The following KLHL1 variants were observed in gnomAD, a reference collection of about 807,000 sequenced individuals.
KLHL1 encodes kelch-like protein 1.
A neutral mutation model predicts 77.7 loss-of-function variants in KLHL1; 47 were observed. The observed-to-expected ratio is 0.60, with a 90% confidence interval of 0.48 to 0.77. KLHL1 has a LOEUF of 0.77. Ranked by LOEUF, KLHL1 falls within the 30% of genes least tolerant of loss-of-function variation. KLHL1 has a pLI of 0.00. For missense variants in KLHL1, 925 were observed against 910.8 expected (o/e 1.02, Z -0.20); for synonymous variants, 360 against 325.2 (o/e 1.11, Z -1.15).
chr13:70,004,566 GATT>G (rs1885364977), intron 1 of KLHL1, among the ~76,000 whole-genome samples: 1 of 151,662 alleles, frequency 6.6e-6, no homozygotes, highest in African/African-American at 2.4e-5. Flanking sequence ...AGTCTTTGTT[GATT>G]ATTATGATTA....
intron 4 of KLHL1, among the ~76,000 whole-genome samples, chr13:69,915,363 CA>C (rs966315012): frequency 2.0e-5 from 3 of 152,094 alleles, no homozygotes; most frequent in African/African-American, 7.2e-5. Context: ...CTACAGTAAC[CA>C]AAACAGCAGG....
At chr13:69,935,279 A>G (rs74090611) in intron 4 of KLHL1, among the ~76,000 whole-genome samples, 1 of 142,550 alleles carries the variant, frequency 7.0e-6, no homozygotes, top group African/African-American at 2.9e-5. Context: ...TGAACTTGGT[A>G]CATAGCAGTC....
chr13:69,836,774 G>A (rs540810370), intron 6 of KLHL1, among the ~76,000 whole-genome samples: 5 of 151,656 alleles, frequency 3.3e-5, no homozygotes, highest in East Asian at 1.9e-4. Flanking sequence ...AAGTATTAAC[G>A]TAATTTCATT....
intron 5 of KLHL1, among the ~76,000 whole-genome samples, chr13:69,852,149 C>T (rs1879714439): frequency 6.6e-6 from 1 of 151,902 alleles, no homozygotes; most frequent in Non-Finnish European, 1.5e-5. Context: ...CTTAGACTGA[C>T]TAGCTAACGA....
chr13:69,794,512 A>G (rs981862366), intron 7 of KLHL1, among the ~76,000 whole-genome samples: 3 of 150,956 alleles, frequency 2.0e-5, no homozygotes, highest in South Asian at 2.1e-4. Flanking sequence ...GAAACAGTAG[A>G]AAAAAAAAGA....
At chr13:69,749,900 C>G (rs1369231339) in intron 7 of KLHL1, among the ~76,000 whole-genome samples, 1 of 151,756 alleles carries the variant, frequency 6.6e-6, no homozygotes, top group South Asian at 2.1e-4. Context: ...AAGCTCTAAA[C>G]AGTTTCAATA....
rs139382414 is a variant in KLHL1 at position 69,718,191 on chromosome 13, G to A, written c.2015+1178C>T. On this transcript the variant is annotated intron_variant, in intron 9 of 10. Transcript: ENST00000377844. Reference sequence around the variant, plus strand: ...ACATAAAAAGGAAAATTTTTCTGCTGTCAGTGCTATCAGCTAAACATCTCG... The same window carrying A: ...ACATAAAAAGGAAAATTTTTCTGCTATCAGTGCTATCAGCTAAACATCTCG... Among the ~76,000 whole-genome samples, 8 of 152,212 alleles carry A rather than the reference G, an allele frequency of 5.3e-5. No homozygotes were observed. In the East Asian group the frequency reaches 1.5e-3, roughly 29 times the overall value.
At chr13:70,097,446 C>G (rs1197078586) in intron 1 of KLHL1, among the ~76,000 whole-genome samples, 1 of 151,940 alleles carries the variant, frequency 6.6e-6, no homozygotes, top group Admixed American at 6.6e-5. Context: ...AACCAGCTGT[C>G]TAACATCACC....
chr13:70,031,941 G>C (rs1183876319), intron 1 of KLHL1, among the ~76,000 whole-genome samples: 3 of 152,162 alleles, frequency 2.0e-5, no homozygotes, highest in African/African-American at 2.4e-5. Flanking sequence ...TTTCCAGGGA[G>C]AGAAAGATGT....
intron 3 of KLHL1, among the ~76,000 whole-genome samples, chr13:69,960,199 A>G (rs920814114): frequency 4.0e-5 from 6 of 151,318 alleles, no homozygotes; most frequent in African/African-American, 1.5e-4. Flanking sequence ...GAAATCCTAA[A>G]AGAGGACAGA....
chr13:69,844,405 T>C (rs1001545969), intron 5 of KLHL1, among the ~76,000 whole-genome samples: 10 of 151,734 alleles, frequency 6.6e-5, no homozygotes, highest in Non-Finnish European at 1.3e-4. Flanking sequence ...TTTGACAAAC[T>C]AAATTACTTA....
At position 69,945,099 on chromosome 13, in the gene KLHL1, C is replaced by A. The variant is rs964477306; in HGVS notation, c.818-4863G>T. On this transcript the variant is annotated intron_variant, in intron 3 of 10. Coordinates refer to ENST00000377844, the MANE Select transcript of KLHL1 (RefSeq NM_020866.3). ...CTCCCGGGTTCAAGTGATTCTCCTG[C>A]CTCAGCCTCCCAGGTAGCTGGGATT... Among the ~76,000 whole-genome samples, 12 of 149,082 alleles carry A rather than the reference C, an allele frequency of 8.0e-5. 1 individual carries two copies. Among genetic ancestry groups the A allele is most frequent in the African/African-American group, 3.0e-4 (12 of 40,314 alleles).
chr13:69,776,131 G>T (rs1875818606), intron 7 of KLHL1, among the ~76,000 whole-genome samples: 1 of 151,790 alleles, frequency 6.6e-6, no homozygotes, highest in African/African-American at 2.4e-5. Context: ...ACTCCAGCCT[G>T]GGCGACAGAG....
intron 5 of KLHL1, among the ~76,000 whole-genome samples, chr13:69,879,255 T>A (rs1880889123): frequency 6.6e-6 from 1 of 152,256 alleles, no homozygotes; most frequent in East Asian, 1.9e-4. Flanking sequence ...TAGTATATAA[T>A]ACTTTGATTC....
At chr13:69,870,184 A>G (rs1238927335) in intron 5 of KLHL1, among the ~76,000 whole-genome samples, 1 of 152,144 alleles carries the variant, frequency 6.6e-6, no homozygotes, top group Admixed American at 6.6e-5. Flanking sequence ...CATCTGCTTT[A>G]GGTAAGTCTC....
chr13:69,832,853 G>A (rs943875650), intron 6 of KLHL1, among the ~76,000 whole-genome samples: 1 of 150,342 alleles, frequency 6.7e-6, no homozygotes, highest in African/African-American at 2.5e-5. Context: ...ACATAGAGTG[G>A]GGAAAGGACA....
At chr13:69,848,340 A>C (rs1879552433) in intron 5 of KLHL1, among the ~76,000 whole-genome samples, 1 of 151,548 alleles carries the variant, frequency 6.6e-6, no homozygotes, top group Non-Finnish European at 1.5e-5. Flanking sequence ...TAGTTTCCAC[A>C]AGTGGGACTA....
At chr13:69,708,885 C>T (rs946966224) in intron 9 of KLHL1, among the ~76,000 whole-genome samples, 1 of 151,868 alleles carries the variant, frequency 6.6e-6, no homozygotes, top group African/African-American at 2.4e-5. Flanking sequence ...TTTCCTGCTC[C>T]AATTTTTTTC....
At chr13:70,099,242 T>C (rs1027441856) in intron 1 of KLHL1, among the ~76,000 whole-genome samples, 4 of 151,846 alleles carry the variant, frequency 2.6e-5, no homozygotes, top group Admixed American at 6.6e-5. Flanking sequence ...TAAGTAAAAA[T>C]TCACTCATTC....
Sources: allele counts gnomAD v4.1 joint callset (sites outside exome capture counted in the v4.1 genomes callset), GRCh38; gene constraint gnomAD v4.1.1; transcripts MANE v1.5; gene names NCBI Gene and HGNC (gene_info 2026-07-23, HGNC 2026-07-21).